RFX3: variants seen among roughly 807,000 people sequenced by gnomAD.
RFX3 encodes regulatory factor X3, also known as transcription factor RFX3.
A neutral mutation model predicts 98.6 loss-of-function variants in RFX3; 14 were observed. The ratio of observed to expected loss-of-function variants is 0.14; its 90% CI spans 0.09 to 0.22. RFX3 has a LOEUF of 0.22. Among genes scored for constraint, RFX3 ranks in the 10% least tolerant of loss-of-function variants. The probability of loss-of-function intolerance (pLI) is 1.00; values close to 1 mark genes in which losing one functional copy is unlikely to be tolerated. For synonymous variants in RFX3, 383 were observed against 328.4 expected (o/e 1.17, Z -1.80); for missense variants, 639 against 926.9 (o/e 0.69, Z 4.03).
At chr9:3,291,817 C>A (rs916500333) in intron 6 of RFX3, among the ~76,000 whole-genome samples, 1 of 151,802 alleles carries the variant, frequency 6.6e-6, no homozygotes, top group Non-Finnish European at 1.5e-5. Flanking sequence ...AAACTCTTCA[C>A]TTTGGGAGGC....
intron 4 of RFX3, among the ~76,000 whole-genome samples, chr9:3,326,762 T>C (rs1304532697): frequency 6.6e-6 from 1 of 152,190 alleles, no homozygotes; most frequent in Admixed American, 6.6e-5. Flanking sequence ...AAGGCAACTA[T>C]TCTAAGGACT....
chr9:3,359,059 G>A (rs867075050), intron 2 of RFX3, among the ~76,000 whole-genome samples: 15 of 151,602 alleles, frequency 9.9e-5, no homozygotes, highest in Middle Eastern at 6.3e-3. Context: ...GGTATGCATG[G>A]TTTTTCTGCC....
At chr9:3,525,395 A>C (rs982121627) in intron 1 of RFX3, among the ~76,000 whole-genome samples, 8 of 152,184 alleles carry the variant, frequency 5.3e-5, no homozygotes, top group Non-Finnish European at 1.0e-4. Flanking sequence ...GACCAGACCT[A>C]AGGGAAAGAT....
chr9:3,282,962 T>C (rs1350379504), intron 7 of RFX3, among the ~76,000 whole-genome samples: 2 of 151,816 alleles, frequency 1.3e-5, no homozygotes, highest in African/African-American at 2.4e-5. Context: ...ATTTTAAATG[T>C]TCCACAAATA....
At chr9:3,379,879 A>AATTTATTT (rs36232668) in intron 2 of RFX3, among the ~76,000 whole-genome samples, 2 of 146,626 alleles carry the variant, frequency 1.4e-5, no homozygotes, top group African/African-American at 5.0e-5. Context: ...ACTTATGGGC[A>AATTTATTT]ATTTATTTAT....
chr9:3,308,351 T>A (rs905887224), intron 4 of RFX3, among the ~76,000 whole-genome samples: 2 of 152,166 alleles, frequency 1.3e-5, no homozygotes, highest in African/African-American at 4.8e-5. Context: ...TCAGTGCTAC[T>A]GGAAGCCAGA....
At chr9:3,335,085 C>T (rs1040268261) in intron 3 of RFX3, among the ~76,000 whole-genome samples, 1 of 151,892 alleles carries the variant, frequency 6.6e-6, no homozygotes, top group African/African-American at 2.4e-5. Flanking sequence ...CACCACTGCA[C>T]TCCAGCCTGG....
chr9:3,344,112 C>T (rs761911458), intron 3 of RFX3, among the ~76,000 whole-genome samples: 1 of 152,044 alleles, frequency 6.6e-6, no homozygotes, highest in African/African-American at 2.4e-5. Flanking sequence ...TAAAAATGCA[C>T]AAGACAATAT....
At chr9:3,296,350 T>A (rs894102703) in intron 5 of RFX3, among the ~76,000 whole-genome samples, 13 of 151,950 alleles carry the variant, frequency 8.6e-5, no homozygotes, top group African/African-American at 2.4e-4. Flanking sequence ...TATATCCCAA[T>A]TGAATAATTT....
chr9:3,497,813 G>A (rs1452382147), intron 1 of RFX3, among the ~76,000 whole-genome samples: 1 of 151,914 alleles, frequency 6.6e-6, no homozygotes, highest in Admixed American at 6.6e-5. Context: ...TTTCTAATCT[G>A]TTTAGGGCAG....
chr9:3,356,408 G>A (rs1835779362), intron 2 of RFX3, among the ~76,000 whole-genome samples: 2 of 151,714 alleles, frequency 1.3e-5, no homozygotes, highest in Non-Finnish European at 1.5e-5. Context: ...AAGATGAAAT[G>A]GAAAAAGTTT....
intron 1 of RFX3, among the ~76,000 whole-genome samples, chr9:3,463,505 A>G (rs1419131016): frequency 6.6e-6 from 1 of 152,154 alleles, no homozygotes; most frequent in African/African-American, 2.4e-5. Flanking sequence ...ATTGGGCTTC[A>G]TCAAAATTAA....
chr9:3,513,709 T>C (rs1023765627), intron 1 of RFX3, among the ~76,000 whole-genome samples: 6 of 152,202 alleles, frequency 3.9e-5, no homozygotes, highest in Non-Finnish European at 5.9e-5. Context: ...CAAATTACTC[T>C]GATCTGTATC....
chr9:3,368,607 C>T (rs1245374063), intron 2 of RFX3, among the ~76,000 whole-genome samples: 1 of 152,160 alleles, frequency 6.6e-6, no homozygotes, highest in African/African-American at 2.4e-5. Flanking sequence ...TTTGACATCT[C>T]CGTGGTTTTT....
intron 4 of RFX3, among the ~76,000 whole-genome samples, chr9:3,319,087 T>C (rs977008878): frequency 6.6e-6 from 1 of 152,254 alleles, no homozygotes. Context: ...TCTTACATTT[T>C]CAAATGGTCT....
intron 1 of RFX3, among the ~76,000 whole-genome samples, chr9:3,396,902 G>A (rs993565650): frequency 2.0e-5 from 3 of 152,058 alleles, no homozygotes; most frequent in Non-Finnish European, 2.9e-5. Flanking sequence ...AACAATTAAC[G>A]TATATCCAAA....
chr9:3,470,009 G>A (rs1848636199), intron 1 of RFX3, among the ~76,000 whole-genome samples: 1 of 152,094 alleles, frequency 6.6e-6, no homozygotes, highest in Non-Finnish European at 1.5e-5. Flanking sequence ...TCTCAAATGT[G>A]TTAGAGACAA....
intron 1 of RFX3, among the ~76,000 whole-genome samples, chr9:3,500,540 G>C (rs1815885557): frequency 6.6e-6 from 1 of 152,080 alleles, no homozygotes. Flanking sequence ...TAAAAACCAA[G>C]ATTAGTAACT....
chr9:3,391,565 T>C (rs1840312559), intron 2 of RFX3, among the ~76,000 whole-genome samples: 1 of 152,170 alleles, frequency 6.6e-6, no homozygotes, highest in Admixed American at 6.5e-5. Flanking sequence ...ATGAAAAATA[T>C]GCCTGTTGGG....
Sources: allele counts gnomAD v4.1 joint callset (sites outside exome capture counted in the v4.1 genomes callset), GRCh38; gene constraint gnomAD v4.1.1; transcripts MANE v1.5; gene names NCBI Gene and HGNC (gene_info 2026-07-23, HGNC 2026-07-21).